Variants in UCMA observed in about 807,000 individuals in gnomAD.
UCMA encodes upper zone of growth plate and cartilage matrix-associated protein.
UCMA carries 21 observed loss-of-function variants against 21.8 expected under a neutral mutation model. That is an observed-to-expected ratio of 0.97 (90% confidence interval 0.68 to 1.39). The LOEUF (loss-of-function observed/expected upper bound fraction) is 1.39. UCMA is among the 40% of genes most tolerant of loss of function. UCMA has a pLI of 0.00. For synonymous variants in UCMA, 76 were observed against 67.9 expected (o/e 1.12, Z -0.58); for missense variants, 193 against 178.9 (o/e 1.08, Z -0.45).
rs758875954 is a variant in UCMA, at chr10:13,222,117, G to A, written c.403C>T (p.Arg135Cys). 2.3e-5 allele frequency: 37 copies of A among 1,614,034 alleles called. No homozygotes were observed. Among genetic ancestry groups the A allele is most frequent in the Middle Eastern group, 1.6e-4 (1 of 6,084 alleles). Residue 135 changes from arginine to cysteine, a missense_variant, in exon 5 of 5, where the codon CGC becomes TGC. By Grantham distance (180) the Arg-to-Cys change is radical. Transcript: ENST00000378681. ...TCAGGATGGGATCAGGTGTGGTGGC[G>A]GTTGTAGAGATAGGATGGGTGCAGG... is the stretch of plus-strand genomic sequence containing the variant. ...DGLHPSYLYN[R>C]HHT is the part of the protein sequence containing the mutation.
At chr10:13,226,141 G>C (rs1038329749) in intron 4 of UCMA, among the ~76,000 whole-genome samples, 1 of 151,784 alleles carries the variant, frequency 6.6e-6, no homozygotes, top group African/African-American at 2.4e-5. Flanking sequence ...TACTAGCCTC[G>C]TCTCCTTGAG....
At chr10:13,222,480 G>A (rs1247453214) in intron 4 of UCMA, among the ~76,000 whole-genome samples, 1 of 152,186 alleles carries the variant, frequency 6.6e-6, no homozygotes, top group Non-Finnish European at 1.5e-5. Flanking sequence ...GGAGGGCAGA[G>A]GCTTATGCAG....
intron 4 of UCMA, among the ~76,000 whole-genome samples, chr10:13,225,506 C>A (rs962851974): frequency 6.6e-6 from 1 of 151,880 alleles, no homozygotes; most frequent in African/African-American, 2.4e-5. Flanking sequence ...GAAACCGTGT[C>A]TCTACTAAAA....
At position 13,221,944 on chromosome 10, in the gene UCMA, A is replaced by T. The variant is rs978412960; in HGVS notation, c.*159T>A. ...GGTGAAAGTCAGGACACTTTCACAC[A>T]CTGGAAGGAAAGGCATGCGTCTTTT... On this transcript the variant is annotated 3_prime_UTR_variant, in exon 5 of 5. Coordinates refer to ENST00000378681, the MANE Select transcript of UCMA (RefSeq NM_145314.3). 1.0e-5 allele frequency: 7 copies of T among 688,678 alleles called. No homozygotes were observed. The highest frequency in any genetic ancestry group is 1.5e-5 in the Non-Finnish European group (6 of 401,524). The allele number at this position is 688,678 out of a possible 1,614,324, so 42.7% of individuals were successfully genotyped here.
intron 4 of UCMA, among the ~76,000 whole-genome samples, chr10:13,223,814 A>T (rs1165625021): frequency 1.3e-5 from 2 of 152,072 alleles, no homozygotes; most frequent in African/African-American, 4.8e-5. Flanking sequence ...GGCCTTCCAA[A>T]GCACTAGTAT....
chr10:13,227,748 A>ACG (rs1364079336), intron 4 of UCMA, among the ~76,000 whole-genome samples: 2 of 110,442 alleles, frequency 1.8e-5, no homozygotes, highest in African/African-American at 3.4e-5. Flanking sequence ...GGAAATACAC[A>ACG]CACACACACA....
In UCMA at chr10:13,221,842, C is replaced by T; in HGVS notation, c.*261G>A. On this transcript the variant is annotated 3_prime_UTR_variant, in exon 5 of 5. Transcript: ENST00000378681. Reference sequence around the variant, plus strand: ...CTGATTCTTTTGCTTGGGAACGAAGCCAGGGGAAGCCACTGTAGGTTTGGT... The same window carrying T: ...CTGATTCTTTTGCTTGGGAACGAAGTCAGGGGAAGCCACTGTAGGTTTGGT... 2.1e-6 allele frequency: 1 copy of T among 473,944 alleles called. No individual in the cohort carries two copies. The highest frequency in any genetic ancestry group is 3.8e-6 in the Non-Finnish European group (1 of 266,116). The allele number at this position is 473,944 out of a possible 1,614,324, so 29.4% of individuals were successfully genotyped here.
rs1287963693 is a variant in UCMA, at chr10:13,222,291, G to A, written c.320-91C>T. On this transcript the variant is annotated intron_variant, in intron 4 of 4. Transcript: ENST00000378681. The stretch of plus-strand genomic sequence containing the variant: ...GCCATCAGCCGAACCCCTGCCCTGT[G>A]GTGACCTGCACTGAGAGTGTTTGTG... 6 of 1,166,942 alleles carry A rather than the reference G, an allele frequency of 5.1e-6. No homozygotes were observed. In the African/African-American group the frequency reaches 6.0e-5, roughly 12 times the overall value. 72.3% of individuals were successfully genotyped at this position (1,166,942 alleles called of 1,614,324 possible).
rs928122321 is a variant in UCMA, at chr10:13,222,048, C to G, written c.*55G>C. Reference sequence around the variant, plus strand: ...TTGCATGGGAAAGATTGCTGGAACACGGGGATGCCAATGGTGCTACAAGCT... The same window carrying G: ...TTGCATGGGAAAGATTGCTGGAACAGGGGGATGCCAATGGTGCTACAAGCT... On this transcript the variant is annotated 3_prime_UTR_variant, in exon 5 of 5. Coordinates refer to ENST00000378681, the MANE Select transcript of UCMA (RefSeq NM_145314.3). The G allele has an allele frequency of 1.9e-6, 3 of 1,590,910 alleles. No individual in the cohort carries two copies. The highest frequency in any genetic ancestry group is 4.5e-5 in the East Asian group (2 of 44,700).
Position 13,228,713 on chromosome 10 carries a change from C to T in UCMA, c.319+898G>A, listed in dbSNP as rs116817796. 2.7e-3 allele frequency among the ~76,000 whole-genome samples: 416 copies of T among 152,164 alleles called. 5 individuals carry two copies. Among genetic ancestry groups the T allele is most frequent in the African/African-American group, 9.0e-3 (373 of 41,526 alleles). The stretch of plus-strand genomic sequence containing the variant: ...GAGTGTGGACTCTGTCCAATATGAT[C>T]CTGCCAGAGCTAAGCCTAAGTGTTG... On this transcript the variant is annotated intron_variant, in intron 4 of 4. Transcript: ENST00000378681.
chr10:13,226,491 A>AT (rs1834825349), intron 4 of UCMA, among the ~76,000 whole-genome samples: 1 of 151,876 alleles, frequency 6.6e-6, no homozygotes, highest in Non-Finnish European at 1.5e-5. Context: ...TTAATTGAAA[A>AT]ATTTTTTTTC....
In UCMA at chr10:13,225,604, G is replaced by A. The variant is rs548985868; in HGVS notation, c.320-3404C>T. Among the ~76,000 whole-genome samples the A allele has an allele frequency of 2.0e-5, 3 of 151,512 alleles. No individual in the cohort carries two copies. The East Asian group carries it at 5.8e-4, about 29-fold the overall frequency. On this transcript the variant is annotated intron_variant, in intron 4 of 4. Transcript: ENST00000378681. ...GCAGGAGAATCACTTGAACCCCGGAGGAGGAGGTTTCATTGAGCCGAGATA... is the reference window on the plus strand; with the variant it reads ...GCAGGAGAATCACTTGAACCCCGGAAGAGGAGGTTTCATTGAGCCGAGATA...
At chr10:13,230,024 T>C (rs947423218) in intron 3 of UCMA, among the ~76,000 whole-genome samples, 2 of 152,214 alleles carry the variant, frequency 1.3e-5, no homozygotes, top group Non-Finnish European at 2.9e-5. Flanking sequence ...AGAAATCCCA[T>C]AATCAGAAAC....
At position 13,229,689 on chromosome 10, in the gene UCMA, G is replaced by T; in HGVS notation, c.241C>A (p.Arg81=). 6.2e-7 allele frequency: 1 copy of T among 1,613,870 alleles called. No homozygotes were observed. Among genetic ancestry groups the T allele is most frequent in the Non-Finnish European group, 8.5e-7 (1 of 1,179,998 alleles). Residue 81 remains arginine (R), a synonymous_variant, in exon 4 of 5, where the codon CGG becomes AGG. Coordinates refer to ENST00000378681, the MANE Select transcript of UCMA (RefSeq NM_145314.3). ...EVNVENRQKL[R]VDELRREYYE... The stretch of plus-strand genomic sequence containing the variant: ...TATTCTCTCCGCAGCTCATCAACCC[G>T]AAGCTTCTGCCTGTTTTCCACTGTG...
Position 13,229,687 on chromosome 10 carries a change from C to T in UCMA, c.243G>A (p.Arg81=). 6.2e-6 allele frequency: 10 copies of T among 1,614,052 alleles called. No homozygotes were observed. The highest frequency in any genetic ancestry group is 7.6e-6 in the Non-Finnish European group (9 of 1,180,014). ...EVNVENRQKL[R]VDELRREYYE... ...AATATTCTCTCCGCAGCTCATCAAC[C>T]CGAAGCTTCTGCCTGTTTTCCACTG... The change falls in exon 4 of 5, where the codon CGG becomes CGA. Residue 81 remains arginine (R), a synonymous_variant. Transcript: ENST00000378681.
chr10:13,225,165 A>G (rs1203908340), intron 4 of UCMA, among the ~76,000 whole-genome samples: 2 of 152,068 alleles, frequency 1.3e-5, no homozygotes, highest in East Asian at 3.9e-4. Context: ...GTGATTCTTC[A>G]GCCTCAGCCT....
intron 4 of UCMA, among the ~76,000 whole-genome samples, chr10:13,225,261 AATTC>A (rs1834809551): frequency 6.6e-6 from 1 of 151,990 alleles, no homozygotes; most frequent in Non-Finnish European, 1.5e-5. Context: ...GCCAGGGCTA[AATTC>A]CTTGGCCTCC....
At chr10:13,233,916 C>T (rs1296091971) in intron 1 of UCMA, 116 bp from the exon 2 acceptor site, 1 of 1,333,486 alleles carries the variant, frequency 7.5e-7, no homozygotes, top group Non-Finnish European at 1.0e-6. Context: ...GCAGGGGGCC[C>T]GTGGTTTCTC....
At chr10:13,223,551 T>C (rs1303976350) in intron 4 of UCMA, among the ~76,000 whole-genome samples, 1 of 152,058 alleles carries the variant, frequency 6.6e-6, no homozygotes, top group Non-Finnish European at 1.5e-5. Flanking sequence ...ATGTCTAGAA[T>C]GGGCAAGTTT....
Sources: gnomAD v4.1 joint callset for allele counts (sites outside exome capture counted in the v4.1 genomes callset) on GRCh38, gnomAD v4.1.1 for gene constraint, MANE v1.5 for transcripts, NCBI Gene and HGNC (gene_info 2026-07-23, HGNC 2026-07-21) for gene names.